TMEM17: variants seen among roughly 807,000 people sequenced by gnomAD.
TMEM17 encodes transmembrane protein 17.
Under a neutral mutation model 19.1 loss-of-function variants are expected in TMEM17, and 15 were observed. The ratio of observed to expected loss-of-function variants is 0.78; its 90% CI spans 0.52 to 1.21. The LOEUF (loss-of-function observed/expected upper bound fraction) is 1.21. TMEM17 is among the 50% of genes most tolerant of loss of function. The pLI, the probability that TMEM17 is intolerant of heterozygous loss-of-function variation, is 0.00. For synonymous variants in TMEM17, 103 were observed against 86.9 expected (o/e 1.19, Z -1.03); for missense variants, 245 against 242.3 (o/e 1.01, Z -0.07).
chr2:62,457,394 G>T, the TMEM17 span, among the ~76,000 whole-genome samples: 1 of 152,214 alleles, frequency 6.6e-6, no homozygotes, highest in Non-Finnish European at 1.5e-5. The surrounding 1 kb of genome is among the most constrained non-coding windows in gnomAD (Gnocchi z 4.2). Context: ...TGGAGGAAGG[G>T]CTGGGTGCGG....
chr2:62,454,297 G>C, the TMEM17 span, among the ~76,000 whole-genome samples: 8,780 of 152,256 alleles, frequency 0.058, 647 homozygotes, highest in East Asian at 0.33. Context: ...GGGAGGAGCA[G>C]ATTCCATGCC....
At position 62,502,545 on chromosome 2, in the gene TMEM17, T is replaced by C. The variant is rs767151060; in HGVS notation, c.210A>G (p.Ser70=). The C allele has an allele frequency of 1.1e-5, 18 of 1,581,912 alleles. No individual in the cohort carries two copies. The Admixed American group carries it at 1.8e-4, about 16-fold the overall frequency. The change falls in exon 3 of 4, where the codon TCA becomes TCG. Residue 70 remains serine (S), a synonymous_variant. Transcript: ENST00000335390. ...TGAATTTGTAGTAGTCAGGTAAGATTGAATACTAAAAGAAAAGCCAAAACA... is the reference window on the plus strand; with the variant it reads ...TGAATTTGTAGTAGTCAGGTAAGATCGAATACTAAAAGAAAAGCCAAAACA... ...SSIMMLHMKY[S]ILPDYYKFIV...
At chr2:62,471,760 G>A in the TMEM17 span, among the ~76,000 whole-genome samples, 1 of 152,256 alleles carries the variant, frequency 6.6e-6, no homozygotes, top group Non-Finnish European at 1.5e-5. Flanking sequence ...GAGGCTGGAA[G>A]CCAGGGTAGA....
the TMEM17 span, among the ~76,000 whole-genome samples, chr2:62,477,631 T>C: frequency 6.6e-6 from 1 of 152,296 alleles, no homozygotes; most frequent in Middle Eastern, 3.4e-3. Flanking sequence ...GGCAAGAGGC[T>C]GTCAGGATGA....
chr2:62,491,178 GC>G, the TMEM17 span: 3 of 149,464 alleles, frequency 2.0e-5, no homozygotes, highest in East Asian at 5.9e-4. Flanking sequence ...ACCTCAATTA[GC>G]TGGGCGTGCT....
At chr2:62,467,398 CAA>C in the TMEM17 span, among the ~76,000 whole-genome samples, 1 of 152,170 alleles carries the variant, frequency 6.6e-6, no homozygotes, top group East Asian at 1.9e-4. Flanking sequence ...GAAAGTCCCA[CAA>C]AAAGTCCCTT....
the TMEM17 span, among the ~76,000 whole-genome samples, chr2:62,479,730 A>G: frequency 6.6e-6 from 1 of 152,048 alleles, no homozygotes; most frequent in Non-Finnish European, 1.5e-5. Context: ...TACAAAAAAT[A>G]AAAATAATTA....
chr2:62,505,981 C>T (rs1455963799), intron 1 of TMEM17, 49 bp downstream of exon 1: 3 of 1,531,940 alleles, frequency 2.0e-6, no homozygotes, highest in East Asian at 2.5e-5. Flanking sequence ...AAAATCCACG[C>T]CAAGCCCTCG....
chr2:62,492,875 A>G, the TMEM17 span, among the ~76,000 whole-genome samples: 2 of 152,214 alleles, frequency 1.3e-5, no homozygotes, highest in African/African-American at 4.8e-5. Context: ...GTTTGGAGGG[A>G]AAGTCTGCAG....
intron 2 of TMEM17, 62 bp from the exon 3 acceptor site, chr2:62,502,612 G>GA (rs11443505): frequency 0.87 from 1,250,863 of 1,430,204 alleles, 549,422 homozygotes; most frequent in Non-Finnish European, 0.89. Flanking sequence ...ATTTAAGATA[G>GA]AAAAAATTAT....
At chr2:62,477,309 AT>A in the TMEM17 span, among the ~76,000 whole-genome samples, 76 of 152,360 alleles carry the variant, frequency 5.0e-4, no homozygotes, top group Admixed American at 1.4e-3. Context: ...AGGCAGGAGA[AT>A]TGCTTGAACC....
the TMEM17 span, among the ~76,000 whole-genome samples, chr2:62,495,087 A>G: frequency 6.6e-6 from 1 of 152,248 alleles, no homozygotes. Flanking sequence ...GTGGAACAAT[A>G]TATACATTGT....
the TMEM17 span, among the ~76,000 whole-genome samples, chr2:62,488,493 G>GA: frequency 0.012 from 1,428 of 119,092 alleles, 12 homozygotes; most frequent in African/African-American, 0.035. Context: ...GATGAGTTTT[G>GA]AAAAAAAAAA....
intron 3 of TMEM17, chr2:62,501,972 G>A (rs57645001): frequency 0.13 from 21,931 of 162,702 alleles, 1,702 homozygotes; most frequent in East Asian, 0.29. Context: ...AGAAAACCAC[G>A]GGAATCTTTA....
At chr2:62,477,603 A>G in the TMEM17 span, among the ~76,000 whole-genome samples, 1 of 152,222 alleles carries the variant, frequency 6.6e-6, no homozygotes, top group Non-Finnish European at 1.5e-5. Context: ...AAAGCAAAAG[A>G]CATGGGCTGG....
downstream of TMEM17, among the ~76,000 whole-genome samples, chr2:62,496,745 A>C (rs1047850626): frequency 3.9e-5 from 6 of 152,260 alleles, no homozygotes; most frequent in African/African-American, 1.4e-4. Context: ...GTAAAGAATC[A>C]TTAGGTAGGT....
the TMEM17 span, among the ~76,000 whole-genome samples, chr2:62,478,335 T>G: frequency 6.6e-6 from 1 of 152,142 alleles, no homozygotes; most frequent in Non-Finnish European, 1.5e-5. Flanking sequence ...TCCCTGCAGC[T>G]CAGGGAAGGG....
the TMEM17 span, among the ~76,000 whole-genome samples, chr2:62,493,957 A>G: frequency 5.9e-5 from 9 of 152,168 alleles, 1 homozygote; most frequent in Admixed American, 5.2e-4. Flanking sequence ...TTAAATGTCT[A>G]TATCTTTACC....
In TMEM17 at chr2:62,501,201, A is replaced by C; in HGVS notation, c.*8T>G. ...TGATCTGTCAGATTTTCACTCAACA[A>C]CACTGGATCAGATCTCTTCTATACA... On this transcript the variant is annotated 3_prime_UTR_variant, in exon 4 of 4. Transcript: ENST00000335390. The C allele has an allele frequency of 6.2e-7, 1 of 1,609,382 alleles. No individual in the cohort carries two copies. Among genetic ancestry groups the C allele is most frequent in the Non-Finnish European group, 8.5e-7 (1 of 1,176,648 alleles).
Sources: gnomAD v4.1 joint callset for allele counts (sites outside exome capture counted in the v4.1 genomes callset) on GRCh38, gnomAD v4.1.1 for gene constraint, Gnocchi (gnomAD v3.1) non-coding constraint, MANE v1.5 for transcripts, NCBI Gene and HGNC (gene_info 2026-07-23, HGNC 2026-07-21) for gene names.